The following CYRIA variants were observed in gnomAD, a reference collection of about 807,000 sequenced individuals.
The protein encoded by CYRIA is CYFIP-related Rac1 interactor A.
CYRIA carries 15 observed loss-of-function variants against 43.9 expected under a neutral mutation model. The ratio of observed to expected loss-of-function variants is 0.34; its 90% confidence interval spans 0.23 to 0.53. CYRIA has a LOEUF of 0.53. CYRIA is among the 20% of genes least tolerant of loss of function. The pLI, the probability that CYRIA is intolerant of heterozygous loss-of-function variation, is 0.94. For missense variants in CYRIA, 236 were observed against 394.2 expected (o/e 0.60, Z 3.40); for synonymous variants, 117 against 136.0 (o/e 0.86, Z 0.97).
At chr2:16,617,522 A>G (rs1668844606) in intron 2 of CYRIA, among the ~76,000 whole-genome samples, 1 of 152,236 alleles carries the variant, frequency 6.6e-6, no homozygotes, top group African/African-American at 2.4e-5. Flanking sequence ...GAAACCAAGG[A>G]ACTGAACATT....
chr2:16,552,459 A>C lies in CYRIA; in HGVS notation c.*477T>G, dbSNP rs1404150834. 6.5e-6 allele frequency: 1 copy of C among 153,518 alleles called. No homozygotes were observed. The highest frequency in any genetic ancestry group is 2.4e-5 in the African/African-American group (1 of 41,460). The allele number at this position is 153,518 out of a possible 1,614,324, so 9.5% of individuals were successfully genotyped here. On this transcript the variant is annotated 3_prime_UTR_variant, in exon 12 of 12. Coordinates refer to ENST00000381323, the MANE Select transcript of CYRIA (RefSeq NM_030797.4). ...ACAGAGAGGGGGTGTGCTGAATTCGAAACACTTGGGTTTAATTCTCCACAT... is the reference window on the plus strand; with the variant it reads ...ACAGAGAGGGGGTGTGCTGAATTCGCAACACTTGGGTTTAATTCTCCACAT...
chr2:16,623,350 A>G (rs1381847090), intron 2 of CYRIA, among the ~76,000 whole-genome samples: 1 of 152,212 alleles, frequency 6.6e-6, no homozygotes, highest in Non-Finnish European at 1.5e-5. Context: ...AGACAGAGAC[A>G]TTGCGTTGGT....
chr2:16,605,108 G>T (rs1007959059), intron 2 of CYRIA, among the ~76,000 whole-genome samples: 2 of 122,726 alleles, frequency 1.6e-5, no homozygotes, highest in Non-Finnish European at 3.4e-5. Context: ...CCAGTTGTAA[G>T]GCAATTCACG....
At chr2:16,655,649 G>A (rs1475477460) in intron 1 of CYRIA, among the ~76,000 whole-genome samples, 1 of 152,192 alleles carries the variant, frequency 6.6e-6, no homozygotes, top group East Asian at 1.9e-4. Context: ...AGCACGGCCT[G>A]ATCACGCAGG....
At chr2:16,561,335 T>C in intron 7 of CYRIA, 58 bp from the exon 8 acceptor site, 2 of 1,490,060 alleles carry the variant, frequency 1.3e-6, no homozygotes, top group Non-Finnish European at 1.9e-6. Context: ...ATCCTCCAAA[T>C]ACTTTTCTCT....
At chr2:16,577,398 A>G (rs1319220797) in intron 3 of CYRIA, among the ~76,000 whole-genome samples, 1 of 152,170 alleles carries the variant, frequency 6.6e-6, no homozygotes, top group Non-Finnish European at 1.5e-5. Context: ...AAAGAAGTAA[A>G]ATTCACAAAG....
intron 10 of CYRIA, among the ~76,000 whole-genome samples, chr2:16,556,764 G>A (rs993752497): frequency 6.6e-6 from 1 of 152,126 alleles, no homozygotes; most frequent in South Asian, 2.1e-4. Flanking sequence ...AGGTGTGGGA[G>A]CAGCAGTGGG....
rs190361324 is a variant in CYRIA at position 16,564,631 on chromosome 2, G to A, written c.193-537C>T. 3.4e-3 allele frequency among the ~76,000 whole-genome samples: 511 copies of A among 152,138 alleles called. 1 individual carries two copies. Among genetic ancestry groups the A allele is most frequent in the Non-Finnish European group, 5.9e-3 (402 of 67,982 alleles). ...TATGACGGTGGTGGTGTTCTTTTCA[G>A]AAGGATGGGAGCAGTGGCAGTACTG... On this transcript the variant is annotated intron_variant, in intron 4 of 11. Coordinates refer to ENST00000381323, the MANE Select transcript of CYRIA (RefSeq NM_030797.4).
intron 1 of CYRIA, among the ~76,000 whole-genome samples, chr2:16,630,558 C>A (rs748433351): frequency 6.6e-6 from 1 of 152,120 alleles, no homozygotes; most frequent in Non-Finnish European, 1.5e-5. Context: ...AAACACCTGC[C>A]AAACTGGCTG....
chr2:16,589,889 T>G (rs1444281703), intron 2 of CYRIA, among the ~76,000 whole-genome samples: 1 of 152,062 alleles, frequency 6.6e-6, no homozygotes, highest in Non-Finnish European at 1.5e-5. Flanking sequence ...ATCTGAATAT[T>G]AAGTCACTTG....
rs1666233088 is a variant in CYRIA at position 16,549,901 on chromosome 2, T to C, written c.*3035A>G. The C allele has an allele frequency of 6.6e-6, 1 of 152,094 alleles. No individual in the cohort carries two copies. 9.4% of individuals were successfully genotyped at this position (152,094 alleles called of 1,614,324 possible). The stretch of plus-strand genomic sequence containing the variant: ...GAGCAAATGTTGATCAAGCATGATG[T>C]TAACTAGTAGTTAAAAGGTAATATC... On this transcript the variant is annotated 3_prime_UTR_variant, in exon 12 of 12. Transcript: ENST00000381323.
In CYRIA at chr2:16,557,796, C is replaced by T. The variant is rs146263382; in HGVS notation, c.837+1664G>A. 8.2e-3 allele frequency among the ~76,000 whole-genome samples: 1,245 copies of T among 152,106 alleles called. 18 individuals are homozygous for T. The highest frequency in any genetic ancestry group is 0.028 in the African/African-American group (1,161 of 41,474). On this transcript the variant is annotated intron_variant, in intron 10 of 11. Transcript: ENST00000381323. ...ATTAGGGCTACAAGGCATAATTTTA[C>T]CCAGTGTATTTTTAATTGTTGACTC...
At chr2:16,578,867 C>G (rs953545594) in intron 3 of CYRIA, among the ~76,000 whole-genome samples, 89 of 152,104 alleles carry the variant, frequency 5.9e-4, no homozygotes, top group African/African-American at 2.0e-3. Context: ...AGATAATAAG[C>G]AAGAATGTTC....
At chr2:16,664,242 C>T (rs904412507) in intron 1 of CYRIA, among the ~76,000 whole-genome samples, 4 of 152,140 alleles carry the variant, frequency 2.6e-5, no homozygotes, top group East Asian at 3.9e-4. Context: ...GTTTCCACCT[C>T]GCTTTCCCAC....
intron 3 of CYRIA, among the ~76,000 whole-genome samples, chr2:16,575,251 A>G (rs1437055800): frequency 6.6e-6 from 1 of 152,162 alleles, no homozygotes; most frequent in African/African-American, 2.4e-5. Context: ...ACAGGCTCAT[A>G]GGTGGAAGGG....
intron 2 of CYRIA, among the ~76,000 whole-genome samples, chr2:16,601,656 A>G (rs987993502): frequency 2.6e-5 from 4 of 151,490 alleles, no homozygotes; most frequent in African/African-American, 9.8e-5. Flanking sequence ...AAGGCTATTC[A>G]GTGGAAAACC....
intron 3 of CYRIA, among the ~76,000 whole-genome samples, chr2:16,583,607 C>A (rs1265844568): frequency 1.3e-5 from 2 of 152,130 alleles, no homozygotes; most frequent in African/African-American, 2.4e-5. Flanking sequence ...AAGTTGGGTG[C>A]CATAATGGTG....
chr2:16,659,471 C>A (rs1670193195), intron 1 of CYRIA, among the ~76,000 whole-genome samples: 1 of 152,238 alleles, frequency 6.6e-6, no homozygotes, highest in Admixed American at 6.5e-5. Flanking sequence ...GCTGACAATA[C>A]CCTACATGGC....
intron 10 of CYRIA, among the ~76,000 whole-genome samples, chr2:16,555,729 C>G (rs1160430054): frequency 2.6e-5 from 4 of 152,092 alleles, no homozygotes; most frequent in Admixed American, 6.5e-5. Flanking sequence ...CAATACGACT[C>G]TGTCATTTAT....
Sources: gnomAD v4.1 joint callset for allele counts (sites outside exome capture counted in the v4.1 genomes callset) on GRCh38, gnomAD v4.1.1 for gene constraint, MANE v1.5 for transcripts, NCBI Gene and HGNC (gene_info 2026-07-23, HGNC 2026-07-21) for gene names.